The following SEMA6D variants were observed in gnomAD, a reference collection of about 807,000 sequenced individuals.
SEMA6D encodes semaphorin 6D.
SEMA6D carries 35 observed loss-of-function variants against 106.6 expected under a neutral mutation model. The observed-to-expected ratio is 0.33, with a 90% CI of 0.25 to 0.44. The LOEUF (loss-of-function observed/expected upper bound fraction) is 0.44. Among genes scored for constraint, SEMA6D ranks in the 20% least tolerant of loss-of-function variants. The pLI is 1.00. For synonymous variants in SEMA6D, 499 were observed against 487.7 expected, an observed-to-expected ratio of 1.02 and a Z score of -0.31; for missense variants, 1,185 against 1,345.9, an observed-to-expected ratio of 0.88 and a Z score of 1.87.
At chr15:47,561,059 A>G (rs1251797655) in intron 3 of SEMA6D, among the ~76,000 whole-genome samples, 1 of 86,912 alleles carries the variant, frequency 1.2e-5, no homozygotes, top group South Asian at 3.3e-4. Context: ...TACAAAACAG[A>G]AAAAAAAAAA....
intron 3 of SEMA6D, among the ~76,000 whole-genome samples, chr15:47,527,925 A>T (rs2044817507): frequency 6.6e-6 from 1 of 152,192 alleles, no homozygotes; most frequent in Admixed American, 6.5e-5. Flanking sequence ...CTATTATTTT[A>T]AGGCCAGGTT....
intron 1 of SEMA6D, among the ~76,000 whole-genome samples, chr15:47,213,263 T>C (rs971850395): frequency 6.6e-6 from 1 of 152,236 alleles, no homozygotes; most frequent in Non-Finnish European, 1.5e-5. Flanking sequence ...GAAGTTCTGT[T>C]GGACAGCATT....
intron 3 of SEMA6D, among the ~76,000 whole-genome samples, chr15:47,523,133 C>T (rs569471801): frequency 6.6e-6 from 1 of 152,324 alleles, no homozygotes; most frequent in East Asian, 1.9e-4. Context: ...CTGAATCCAA[C>T]TGAAAGCCAG....
intron 4 of SEMA6D, among the ~76,000 whole-genome samples, chr15:47,602,500 G>A (rs1265909294): frequency 6.6e-6 from 1 of 151,906 alleles, no homozygotes; most frequent in African/African-American, 2.4e-5. Flanking sequence ...TGCTGGGAGG[G>A]GGGCTTGTGG....
At chr15:47,374,095 G>T (rs1208834280) in intron 1 of SEMA6D, among the ~76,000 whole-genome samples, 1 of 152,192 alleles carries the variant, frequency 6.6e-6, no homozygotes, top group African/African-American at 2.4e-5. Context: ...AAATAAAAAG[G>T]ATAACATTCG....
chr15:47,566,044 T>TA (rs1461325808), intron 3 of SEMA6D, among the ~76,000 whole-genome samples: 2 of 152,230 alleles, frequency 1.3e-5, no homozygotes, highest in Non-Finnish European at 2.9e-5. Flanking sequence ...CCTTCACAGT[T>TA]ACTTTCCTAG....
rs749883806 is a variant in SEMA6D at position 47,770,594 on chromosome 15, C to T, written c.2031C>T (p.Phe677=). Residue 677 remains phenylalanine (F), a synonymous_variant, in exon 19 of 19, where the codon TTC becomes TTT. Coordinates refer to ENST00000536845, the MANE Select transcript of SEMA6D (RefSeq NM_001358351.3). ...TTGCTGCTTTTGTTTTGGGGGCATTCATTGCAGGTGTGGCAGTATACTGCT... is the reference window on the plus strand; with the variant it reads ...TTGCTGCTTTTGTTTTGGGGGCATTTATTGCAGGTGTGGCAGTATACTGCT... The part of the protein sequence containing the change: ...CVFAAFVLGA[F]IAGVAVYCYR... The T allele has an allele frequency of 6.2e-7, 1 of 1,613,954 alleles. No individual in the cohort carries two copies. Among genetic ancestry groups the T allele is most frequent in the African/African-American group, 1.3e-5 (1 of 75,010 alleles).
At chr15:47,253,120 T>C (rs943060037) in intron 1 of SEMA6D, among the ~76,000 whole-genome samples, 1 of 152,184 alleles carries the variant, frequency 6.6e-6, no homozygotes, top group Non-Finnish European at 1.5e-5. Flanking sequence ...TTCACTGTTT[T>C]GATTTGTATT....
chr15:47,247,662 T>G (rs2033280920), intron 1 of SEMA6D, among the ~76,000 whole-genome samples: 1 of 152,174 alleles, frequency 6.6e-6, no homozygotes, highest in Non-Finnish European at 1.5e-5. Context: ...AATACTGGCT[T>G]TTTTTCTTTG....
intron 3 of SEMA6D, among the ~76,000 whole-genome samples, chr15:47,490,412 G>A (rs1365709538): frequency 3.9e-5 from 6 of 152,122 alleles, no homozygotes; most frequent in African/African-American, 9.7e-5. Context: ...TTGGGAGGCC[G>A]AGGCAGGCAG....
intron 1 of SEMA6D, among the ~76,000 whole-genome samples, chr15:47,385,311 C>T (rs188984048): frequency 2.0e-4 from 30 of 152,206 alleles, no homozygotes; most frequent in Non-Finnish European, 3.8e-4. Flanking sequence ...TCTCAAGACA[C>T]ATGAATATAC....
rs145222635 is a variant in SEMA6D at position 47,464,998 on chromosome 15, G to C, written c.-158-5476G>C. On this transcript the variant is annotated intron_variant, in intron 2 of 19. Transcript: ENST00000558014. ...GAATCCCAGTGATAAATTAAAGTGA[G>C]CCTCAAGCTAGAATACTCTGTTTCT... is the stretch of plus-strand genomic sequence containing the variant. 7.3e-3 allele frequency among the ~76,000 whole-genome samples: 1,107 copies of C among 152,234 alleles called. 18 individuals are homozygous for C. Among genetic ancestry groups the C allele is most frequent in the African/African-American group, 0.025 (1,046 of 41,548 alleles).
At chr15:47,359,917 G>A (rs1397252850) in intron 1 of SEMA6D, 1 of 152,140 alleles carries the variant, frequency 6.6e-6, no homozygotes, top group Non-Finnish European at 1.5e-5. Context: ...AAAGATGGTA[G>A]GGCAATACTT....
chr15:47,492,360 T>C (rs2043501469), intron 3 of SEMA6D, among the ~76,000 whole-genome samples: 1 of 152,142 alleles, frequency 6.6e-6, no homozygotes, highest in African/African-American at 2.4e-5. Context: ...GGAGCAAAAC[T>C]GAAAATGCTA....
At chr15:47,654,408 G>A (rs200069939) in intron 4 of SEMA6D, among the ~76,000 whole-genome samples, 3 of 152,254 alleles carry the variant, frequency 2.0e-5, no homozygotes, top group East Asian at 1.9e-4. Flanking sequence ...ATTCTATAGT[G>A]TATTCTTATA....
intron 4 of SEMA6D, among the ~76,000 whole-genome samples, chr15:47,683,461 G>A (rs1450843930): frequency 1.3e-5 from 2 of 152,028 alleles, no homozygotes; most frequent in East Asian, 3.9e-4. Flanking sequence ...TCCAAGTTCT[G>A]GAGATAGAAA....
intron 3 of SEMA6D, 142 bp from the exon 4 acceptor site, chr15:47,760,834 ACT>A: frequency 4.2e-6 from 3 of 717,116 alleles, no homozygotes; most frequent in East Asian, 5.5e-5. Context: ...ATGAAAAAGT[ACT>A]CTTTGTTGAC....
At chr15:47,444,215 C>T (rs2041963703) in intron 2 of SEMA6D, among the ~76,000 whole-genome samples, 2 of 152,164 alleles carry the variant, frequency 1.3e-5, no homozygotes, top group Non-Finnish European at 2.9e-5. Flanking sequence ...TGCACATACA[C>T]ACCCACACAC....
chr15:47,332,561 GT>G (rs1203187701), intron 1 of SEMA6D, among the ~76,000 whole-genome samples: 1 of 152,158 alleles, frequency 6.6e-6, no homozygotes, highest in East Asian at 1.9e-4. Context: ...TGCAAGCTGT[GT>G]TTCCCCACTT....
Sources: allele counts gnomAD v4.1 joint callset (sites outside exome capture counted in the v4.1 genomes callset), GRCh38; gene constraint gnomAD v4.1.1; transcripts MANE v1.5; gene names NCBI Gene and HGNC (gene_info 2026-07-23, HGNC 2026-07-21).